Variants in CDH13 observed in about 807,000 individuals in gnomAD.
CDH13 encodes cadherin-13.
CDH13 carries 24 observed loss-of-function variants against 63.8 expected under a neutral mutation model. The ratio of observed to expected loss-of-function variants is 0.38; its 90% CI spans 0.27 to 0.53. The LOEUF is 0.53. Among genes scored for constraint, CDH13 ranks in the 20% least tolerant of loss-of-function variants. The pLI is 0.85. For synonymous variants in CDH13, 503 were observed against 355.3 expected (o/e 1.42, Z -4.67); for missense variants, 1,049 against 903.1 (o/e 1.16, Z -2.07).
At chr16:82,899,808 T>G (rs975301027) in intron 2 of CDH13, among the ~76,000 whole-genome samples, 2 of 152,208 alleles carry the variant, frequency 1.3e-5, no homozygotes, top group Non-Finnish European at 2.9e-5. Context: ...AATCGCTATG[T>G]GTTCGGTATA....
chr16:83,128,406 T>C (rs866614557), intron 4 of CDH13, among the ~76,000 whole-genome samples: 104 of 152,206 alleles, frequency 6.8e-4, no homozygotes, highest in African/African-American at 2.5e-3. Flanking sequence ...ATCTGCGTTT[T>C]TACACAGCTT....
intron 1 of CDH13, among the ~76,000 whole-genome samples, chr16:82,674,375 A>T (rs1913650466): frequency 6.6e-6 from 1 of 152,156 alleles, no homozygotes; most frequent in African/African-American, 2.4e-5. Flanking sequence ...TTCATCTTTG[A>T]TTTGAGGTAT....
intron 7 of CDH13, among the ~76,000 whole-genome samples, chr16:83,504,501 G>A (rs1445429122): frequency 6.6e-6 from 1 of 152,204 alleles, no homozygotes; most frequent in African/African-American, 2.4e-5. Context: ...GGCATCTGAG[G>A]CTTTGCTGAC....
At chr16:83,373,669 T>C (rs547091576) in intron 6 of CDH13, among the ~76,000 whole-genome samples, 32 of 152,314 alleles carry the variant, frequency 2.1e-4, no homozygotes, top group African/African-American at 7.0e-4. Flanking sequence ...ATTAAAGATA[T>C]AACACAGTGG....
chr16:82,716,638 A>C (rs2032391880), intron 1 of CDH13, among the ~76,000 whole-genome samples: 1 of 149,426 alleles, frequency 6.7e-6, no homozygotes, highest in Non-Finnish European at 1.5e-5. Context: ...GCTGGCATGG[A>C]ATTTCAACCA....
At chr16:83,128,153 G>A (rs562181042) in intron 4 of CDH13, among the ~76,000 whole-genome samples, 53 of 152,306 alleles carry the variant, frequency 3.5e-4, no homozygotes, top group African/African-American at 1.3e-3. Flanking sequence ...GCAGATGTCA[G>A]GGCTCCACCC....
intron 1 of CDH13, chr16:82,639,492 T>G (rs1909121753): frequency 5.6e-6 from 8 of 1,441,176 alleles, no homozygotes; most frequent in Non-Finnish European, 7.5e-6. Flanking sequence ...CTGTGTCGTG[T>G]GGCTGGATGG....
At chr16:82,740,072 C>G (rs747089960) in intron 1 of CDH13, among the ~76,000 whole-genome samples, 1 of 152,308 alleles carries the variant, frequency 6.6e-6, no homozygotes, top group East Asian at 1.9e-4. Flanking sequence ...CCTATTACAA[C>G]CTGATTTTAA....
chr16:83,338,938 A>T (rs2090661942), intron 5 of CDH13, among the ~76,000 whole-genome samples: 1 of 152,236 alleles, frequency 6.6e-6, no homozygotes, highest in Admixed American at 6.5e-5. Context: ...GAAACCATTG[A>T]AAGGTATCCA....
At chr16:82,759,638 G>T (rs927338449) in intron 1 of CDH13, among the ~76,000 whole-genome samples, 12 of 151,580 alleles carry the variant, frequency 7.9e-5, no homozygotes, top group African/African-American at 2.7e-4. Context: ...TCCATATGCA[G>T]TATTCCATAG....
chr16:82,997,891 G>A (rs909283192), intron 2 of CDH13, among the ~76,000 whole-genome samples: 10 of 152,164 alleles, frequency 6.6e-5, no homozygotes, highest in East Asian at 5.8e-4. Flanking sequence ...TATCAGCTAA[G>A]GTGAATCTGA....
At chr16:83,301,025 G>GTTTTTTTTTTTTTTTTT (rs3052591) in intron 5 of CDH13, among the ~76,000 whole-genome samples, 1 of 78,756 alleles carries the variant, frequency 1.3e-5, no homozygotes, top group Non-Finnish European at 2.2e-5. Context: ...ACTTTCTGGG[G>GTTTTTTTTTTTTTTTTT]TTTTTTTTTT....
chr16:82,734,296 C>G (rs188578820), intron 1 of CDH13, among the ~76,000 whole-genome samples: 107 of 152,200 alleles, frequency 7.0e-4, no homozygotes, highest in Non-Finnish European at 3.1e-4. Flanking sequence ...CCCAGAAAAA[C>G]TTAAATGTTT....
chr16:83,416,495 G>A (rs915650896), intron 6 of CDH13, among the ~76,000 whole-genome samples: 2 of 152,126 alleles, frequency 1.3e-5, no homozygotes, highest in African/African-American at 4.8e-5. Context: ...TGCCTCTCAT[G>A]TTTAAGTATC....
chr16:83,573,518 C>G (rs932000615), intron 7 of CDH13, among the ~76,000 whole-genome samples: 1 of 152,196 alleles, frequency 6.6e-6, no homozygotes, highest in African/African-American at 2.4e-5. Context: ...GTAGACATCA[C>G]TAATCAATGG....
chr16:83,239,243 C>T (rs1268570580), intron 5 of CDH13, among the ~76,000 whole-genome samples: 1 of 152,134 alleles, frequency 6.6e-6, no homozygotes, highest in Non-Finnish European at 1.5e-5. Flanking sequence ...GGGAGAGCAG[C>T]AGGTTCAGCT....
At chr16:82,813,493 T>A (rs975621924) in intron 1 of CDH13, among the ~76,000 whole-genome samples, 1 of 152,292 alleles carries the variant, frequency 6.6e-6, no homozygotes, top group African/African-American at 2.4e-5. Flanking sequence ...TAGCTGGCTG[T>A]CTCCTTTTAA....
At chr16:82,736,085 C>T (rs929422379) in intron 1 of CDH13, among the ~76,000 whole-genome samples, 2 of 152,150 alleles carry the variant, frequency 1.3e-5, no homozygotes, top group African/African-American at 4.8e-5. Flanking sequence ...AATTAATTCC[C>T]CTGAGTTTCC....
intron 3 of CDH13, among the ~76,000 whole-genome samples, chr16:83,111,841 G>T (rs1197956545): frequency 1.3e-5 from 2 of 152,040 alleles, no homozygotes; most frequent in African/African-American, 4.8e-5. Flanking sequence ...AAGAGAAAGA[G>T]AAATAAAAAT....
Sources: allele counts gnomAD v4.1 joint callset (sites outside exome capture counted in the v4.1 genomes callset), GRCh38; gene constraint gnomAD v4.1.1; transcripts MANE v1.5; gene names NCBI Gene and HGNC (gene_info 2026-07-23, HGNC 2026-07-21).